AGBL1: variants seen among roughly 807,000 people sequenced by gnomAD.
AGBL1 encodes the protein AGBL carboxypeptidase 1.
Under a neutral mutation model 118.9 loss-of-function variants are expected in AGBL1, and 130 were observed. The observed-to-expected ratio is 1.09, with a 90% CI of 0.95 to 1.26. The LOEUF is 1.26. Among genes scored for constraint, AGBL1 ranks in the 50% most tolerant of loss-of-function variants. AGBL1 has a pLI of 0.00. For missense variants in AGBL1, 1,584 were observed against 1,298.1 expected (o/e 1.22, Z -3.38); for synonymous variants, 555 against 478.9 (o/e 1.16, Z -2.08).
intron 3 of AGBL1, among the ~76,000 whole-genome samples, chr15:86,147,107 C>G (rs924969648): frequency 2.0e-5 from 3 of 152,094 alleles, no homozygotes; most frequent in African/African-American, 7.2e-5. Context: ...TTATTTGGAA[C>G]AGTAATGTAG....
chr15:86,756,943 C>CTT (rs11383287), intron 22 of AGBL1, among the ~76,000 whole-genome samples: 2,034 of 142,806 alleles, frequency 0.014, 38 homozygotes, highest in African/African-American at 0.048. Context: ...ATAAACATGT[C>CTT]TTTTTTTTTT....
chr15:86,619,412 AAAATG>A (rs2084774534), intron 21 of AGBL1, among the ~76,000 whole-genome samples: 1 of 152,230 alleles, frequency 6.6e-6, no homozygotes, highest in Non-Finnish European at 1.5e-5. Context: ...GTCCTAAAAC[AAAATG>A]AAAAGTTCAG....
At position 86,447,414 on chromosome 15, in the gene AGBL1, T is replaced by C. The variant is rs552717293; in HGVS notation, c.2555+49868T>C. 1.5e-3 allele frequency among the ~76,000 whole-genome samples: 224 copies of C among 152,296 alleles called. 6 individuals carry two copies. In the South Asian group the frequency reaches 0.045, roughly 30 times the overall value. Reference sequence around the variant, plus strand: ...GGCACTGCCATGTGTAGCCTGAGAATGAAGCTGACACCGTGGAAAGCAGAG... The same window carrying C: ...GGCACTGCCATGTGTAGCCTGAGAACGAAGCTGACACCGTGGAAAGCAGAG... On this transcript the variant is annotated intron_variant, in intron 18 of 22. Coordinates refer to ENST00000614907, the MANE Select transcript of AGBL1 (RefSeq NM_001386094.1).
At chr15:86,161,562 A>G (rs2077267476) in intron 5 of AGBL1, among the ~76,000 whole-genome samples, 1 of 152,210 alleles carries the variant, frequency 6.6e-6, no homozygotes, top group Non-Finnish European at 1.5e-5. Context: ...TTCTACAACC[A>G]TCATATGTAA....
chr15:86,567,266 A>G lies in AGBL1; in HGVS notation c.2994+12729A>G, dbSNP rs543688632. ...TTGAGAACCACAGATTTTGGCTTTC[A>G]TAGACACTAATATCCATATACCTGT... On this transcript the variant is annotated intron_variant, in intron 21 of 22. Transcript: ENST00000614907. 3.3e-5 allele frequency among the ~76,000 whole-genome samples: 5 copies of G among 152,342 alleles called. No individual in the cohort carries two copies. In the East Asian group the frequency reaches 7.7e-4, roughly 23 times the overall value.
chr15:86,743,143 T>C (rs2077703431), intron 22 of AGBL1, among the ~76,000 whole-genome samples: 1 of 152,156 alleles, frequency 6.6e-6, no homozygotes. Context: ...ACCCAAGTTA[T>C]ATTTTTCTTT....
rs528275235 is a variant in AGBL1, at chr15:86,291,009, AG to A, written c.2221-4244del. 6.6e-5 allele frequency among the ~76,000 whole-genome samples: 10 copies of A among 152,318 alleles called. No individual in the cohort carries two copies. The South Asian group carries it at 2.1e-3, about 32-fold the overall frequency. ...TCCAATTTCATCCATATCCCTACAA[AG>A]GACATGAACTCATCATTTTTTATGG... On this transcript the variant is annotated intron_variant, in intron 16 of 22. Transcript: ENST00000614907.
intron 22 of AGBL1, among the ~76,000 whole-genome samples, chr15:86,906,047 C>A (rs748994939): frequency 6.6e-6 from 1 of 152,222 alleles, no homozygotes; most frequent in Non-Finnish European, 1.5e-5. Context: ...GCCTTTGATT[C>A]ATTTCCCGAT....
intron 21 of AGBL1, among the ~76,000 whole-genome samples, chr15:86,601,965 AG>A (rs1259115866): frequency 2.0e-5 from 3 of 152,126 alleles, no homozygotes; most frequent in Admixed American, 6.6e-5. Context: ...TACCTGGACA[AG>A]CAAAATTTAT....
intron 18 of AGBL1, among the ~76,000 whole-genome samples, chr15:86,420,033 A>C (rs1017474405): frequency 2.0e-5 from 3 of 152,180 alleles, no homozygotes; most frequent in Non-Finnish European, 2.9e-5. Context: ...GGCTGTGGGC[A>C]CAGCTTCAGC....
chr15:86,154,569 A>T lies in AGBL1; in HGVS notation c.394+8A>T, dbSNP rs992445657. On this transcript the variant is annotated splice_region_variant and intron_variant, in intron 4 of 22. Transcript: ENST00000614907. ...GTGTGTTTGCCTCCAGTGGTAAGTG[A>T]CTCTATTGTGGCTCTCGGGGATGGC... 2 of 1,590,324 alleles carry T rather than the reference A, an allele frequency of 1.3e-6. No homozygotes were observed. The highest frequency in any genetic ancestry group is 8.6e-7 in the Non-Finnish European group (1 of 1,166,774).
intron 22 of AGBL1, among the ~76,000 whole-genome samples, chr15:86,901,414 A>G (rs1202004789): frequency 2.0e-5 from 3 of 152,082 alleles, no homozygotes; most frequent in Non-Finnish European, 4.4e-5. Flanking sequence ...TCATGCCAAA[A>G]TTGTTGCAGG....
In AGBL1 at chr15:86,282,561, A is replaced by C. The variant is rs187102716; in HGVS notation, c.2220+2778A>C. Among the ~76,000 whole-genome samples, 12 of 152,346 alleles carry C rather than the reference A, an allele frequency of 7.9e-5. No homozygotes were observed. In the East Asian group the frequency reaches 2.3e-3, roughly 29 times the overall value. ...ATGTGTATTCTCAATTTTAGGTTTTACATTTCCAATAACTCATGGTCTTTG... is the reference window on the plus strand; with the variant it reads ...ATGTGTATTCTCAATTTTAGGTTTTCCATTTCCAATAACTCATGGTCTTTG... On this transcript the variant is annotated intron_variant, in intron 16 of 22. Transcript: ENST00000614907.
chr15:86,911,358 C>G lies in AGBL1; in HGVS notation c.*4064C>G, dbSNP rs992969454. 1 of 152,110 alleles carries G rather than the reference C, an allele frequency of 6.6e-6. No homozygotes were observed. Among genetic ancestry groups the G allele is most frequent in the East Asian group, 1.9e-4 (1 of 5,176 alleles). 9.4% of individuals were successfully genotyped at this position (152,110 alleles called of 1,614,324 possible). ...ATAGTCCCATTGTTAGAATAGAAGC[C>G]CAAGACTTGCCACCCACGAGCCCTC... On this transcript the variant is annotated 3_prime_UTR_variant, in exon 23 of 23. Transcript: ENST00000614907.
chr15:86,538,940 T>C (rs1256494167), intron 19 of AGBL1, among the ~76,000 whole-genome samples: 1 of 152,188 alleles, frequency 6.6e-6, no homozygotes, highest in Non-Finnish European at 1.5e-5. Context: ...GAGGAAGGCA[T>C]GTGAGAAGCA....
chr15:86,566,968 C>T (rs867118350), intron 21 of AGBL1, among the ~76,000 whole-genome samples: 5 of 152,088 alleles, frequency 3.3e-5, no homozygotes, highest in African/African-American at 1.2e-4. Flanking sequence ...CCTCATAGTT[C>T]CTACTTCATG....
chr15:86,656,548 C>A (rs952453159), intron 21 of AGBL1, among the ~76,000 whole-genome samples: 1 of 152,146 alleles, frequency 6.6e-6, no homozygotes, highest in Non-Finnish European at 1.5e-5. Context: ...TGTAGCCAGA[C>A]TTTGGTAGTG....
At chr15:86,561,164 G>A (rs919039359) in intron 21 of AGBL1, among the ~76,000 whole-genome samples, 1 of 152,098 alleles carries the variant, frequency 6.6e-6, no homozygotes, top group African/African-American at 2.4e-5. Context: ...GTCAATTTTG[G>A]CTTTTGTTGC....
At chr15:86,336,104 G>A (rs112049562) in intron 17 of AGBL1, among the ~76,000 whole-genome samples, 1 of 152,322 alleles carries the variant, frequency 6.6e-6, no homozygotes, top group African/African-American at 2.4e-5. Flanking sequence ...AGAATTCGAA[G>A]AAGCAGCCAA....
Sources: allele counts gnomAD v4.1 joint callset (sites outside exome capture counted in the v4.1 genomes callset), GRCh38; gene constraint gnomAD v4.1.1; transcripts MANE v1.5; gene names NCBI Gene and HGNC (gene_info 2026-07-23, HGNC 2026-07-21).